JARID2: variants seen among roughly 807,000 people sequenced by gnomAD.
The protein encoded by JARID2 is protein Jumonji.
Under a neutral mutation model 125.6 loss-of-function variants are expected in JARID2, and 21 were observed. The observed-to-expected ratio is 0.17, with a 90% CI of 0.12 to 0.24. JARID2 has a LOEUF of 0.24. Ranked by LOEUF, JARID2 falls within the 10% of genes least tolerant of loss-of-function variation. The pLI is 1.00. For missense variants in JARID2, 1,303 were observed against 1,639.6 expected (o/e 0.79, Z 3.55); for synonymous variants, 736 against 661.6 (o/e 1.11, Z -1.73).
chr6:15,515,056 T>TG (rs894493237), intron 16 of JARID2, among the ~76,000 whole-genome samples: 1 of 151,860 alleles, frequency 6.6e-6, no homozygotes, highest in African/African-American at 2.4e-5. Context: ...TCTTTTTTTT[T>TG]TTTGTTTGTT....
At chr6:15,285,810 A>G (rs148169852) in intron 1 of JARID2, among the ~76,000 whole-genome samples, 4 of 152,318 alleles carry the variant, frequency 2.6e-5, no homozygotes, top group Admixed American at 1.3e-4. Context: ...TCATCTTGCA[A>G]TAAAAGAATT....
chr6:15,247,900 C>T (rs753340382), intron 1 of JARID2: 1 of 985,440 alleles, frequency 1.0e-6, no homozygotes, highest in Non-Finnish European at 1.2e-6. Context: ...TAAACTCGGG[C>T]TGTAGAAACT....
intron 1 of JARID2, among the ~76,000 whole-genome samples, chr6:15,287,890 G>A (rs891871156): frequency 2.0e-5 from 3 of 152,196 alleles, no homozygotes; most frequent in Non-Finnish European, 4.4e-5. Flanking sequence ...AGCTCTGTGA[G>A]CTTTCGGGGT....
intron 1 of JARID2, among the ~76,000 whole-genome samples, chr6:15,350,761 G>C (rs1296600922): frequency 7.9e-6 from 1 of 126,784 alleles, no homozygotes; most frequent in Non-Finnish European, 1.6e-5. Flanking sequence ...AATTAACAAA[G>C]GCATAGAAAC....
intron 2 of JARID2, among the ~76,000 whole-genome samples, chr6:15,408,658 C>T (rs965465618): frequency 2.6e-5 from 4 of 152,186 alleles, no homozygotes; most frequent in Admixed American, 6.5e-5. Context: ...ACAATTAATA[C>T]AACATTGTCA....
At chr6:15,402,075 A>G (rs1239806534) in intron 2 of JARID2, among the ~76,000 whole-genome samples, 1 of 152,152 alleles carries the variant, frequency 6.6e-6, no homozygotes, top group Non-Finnish European at 1.5e-5. Context: ...AGAACTTCCA[A>G]GAGATTCCTT....
intron 1 of JARID2, among the ~76,000 whole-genome samples, chr6:15,331,349 A>G (rs1310399196): frequency 6.6e-6 from 1 of 151,100 alleles, no homozygotes; most frequent in Non-Finnish European, 1.5e-5. Flanking sequence ...AAAAACAAAA[A>G]CAAAAACAAA....
intron 2 of JARID2, among the ~76,000 whole-genome samples, chr6:15,402,444 ATC>A (rs1394778909): frequency 6.6e-6 from 1 of 152,318 alleles, no homozygotes; most frequent in East Asian, 1.9e-4. Flanking sequence ...GTTCATGGAC[ATC>A]TCCCTTTGAG....
At chr6:15,438,258 C>G (rs1767296929) in intron 3 of JARID2, among the ~76,000 whole-genome samples, 1 of 152,074 alleles carries the variant, frequency 6.6e-6, no homozygotes, top group Non-Finnish European at 1.5e-5. Context: ...CCTCTTTGAT[C>G]AAAGGGAGAC....
At chr6:15,398,151 A>G (rs1314070136) in intron 2 of JARID2, among the ~76,000 whole-genome samples, 1 of 146,392 alleles carries the variant, frequency 6.8e-6, no homozygotes, top group Non-Finnish European at 1.5e-5. Context: ...TTAAAAAGTT[A>G]GCACATAGGC....
At chr6:15,502,883 T>G (rs1453010920) in intron 8 of JARID2, among the ~76,000 whole-genome samples, 1 of 152,198 alleles carries the variant, frequency 6.6e-6, no homozygotes, top group African/African-American at 2.4e-5. Context: ...CTGAGGAACT[T>G]TATTTGGTGT....
chr6:15,280,070 G>A (rs1355587837), intron 1 of JARID2, among the ~76,000 whole-genome samples: 1 of 152,092 alleles, frequency 6.6e-6, no homozygotes, highest in Admixed American at 6.5e-5. Flanking sequence ...TCGTATGTAT[G>A]TATATTACCC....
Position 15,503,446 on chromosome 6 carries a change from G to A in JARID2, c.2449-1054G>A, listed in dbSNP as rs1194461790. Among the ~76,000 whole-genome samples, 3 of 152,232 alleles carry A rather than the reference G, an allele frequency of 2.0e-5. No homozygotes were observed. In the East Asian group the frequency reaches 5.8e-4, roughly 29 times the overall value. ...ACGACTGTGGACCCAATGGCAGAAA[G>A]CATCTGCTGCTCCCTGTTGTGGCCC... On this transcript the variant is annotated intron_variant, in intron 8 of 17. Transcript: ENST00000341776.
chr6:15,450,503 G>A (rs1304377024), intron 3 of JARID2, among the ~76,000 whole-genome samples: 1 of 152,134 alleles, frequency 6.6e-6, no homozygotes, highest in Non-Finnish European at 1.5e-5. Context: ...TGTCTTGAGT[G>A]GCATTGCATT....
At chr6:15,462,395 T>C (rs139594886) in intron 4 of JARID2, among the ~76,000 whole-genome samples, 2 of 152,280 alleles carry the variant, frequency 1.3e-5, no homozygotes, top group East Asian at 3.9e-4. Flanking sequence ...TGCATGAACA[T>C]GTGAGATGAA....
chr6:15,435,811 G>A (rs140566962), intron 3 of JARID2, among the ~76,000 whole-genome samples: 1 of 152,084 alleles, frequency 6.6e-6, no homozygotes, highest in Non-Finnish European at 1.5e-5. Flanking sequence ...GTGCCTTGAG[G>A]ATGAATTCCA....
chr6:15,497,133 A>G lies in JARID2; in HGVS notation c.1908A>G (p.Lys636=), dbSNP rs1770483941. ...TGGCCTGCATCAAGAAGCACCTCAA[A>G]TCTCAGGGCATCACCATGGACGAGC... ...QRLACIKKHL[K]SQGITMDELP... is the part of the protein sequence containing the mutation. Residue 636 remains lysine, a synonymous_variant, in exon 7 of 18, where the codon AAA becomes AAG. Coordinates refer to ENST00000341776, the MANE Select transcript of JARID2 (RefSeq NM_004973.4). 18 of 1,557,222 alleles carry G rather than the reference A, an allele frequency of 1.2e-5. No homozygotes were observed. Among genetic ancestry groups the G allele is most frequent in the Non-Finnish European group, 1.4e-5 (16 of 1,150,726 alleles).
chr6:15,490,919 C>G (rs540334688), intron 6 of JARID2, among the ~76,000 whole-genome samples: 1 of 152,282 alleles, frequency 6.6e-6, no homozygotes, highest in African/African-American at 2.4e-5. Context: ...TCATTTCTTA[C>G]GCTGAGGCTG....
At chr6:15,429,017 A>T (rs924835781) in intron 3 of JARID2, among the ~76,000 whole-genome samples, 5 of 150,508 alleles carry the variant, frequency 3.3e-5, no homozygotes, top group Admixed American at 6.6e-5. Flanking sequence ...AAAGCTATTC[A>T]CAGAATTGGT....
Sources: allele counts gnomAD v4.1 joint callset (sites outside exome capture counted in the v4.1 genomes callset), GRCh38; gene constraint gnomAD v4.1.1; transcripts MANE v1.5; gene names NCBI Gene and HGNC (gene_info 2026-07-23, HGNC 2026-07-21).